HAUS8: variants seen among roughly 807,000 people sequenced by gnomAD.
HAUS8 encodes HAUS augmin-like complex subunit 8.
In HAUS8, 38 loss-of-function variants were observed where a neutral mutation model predicts 42.9. That is an observed-to-expected ratio of 0.89 (90% CI 0.68 to 1.16). HAUS8 has a LOEUF of 1.16. Ranked by LOEUF, HAUS8 falls within the 50% of genes most tolerant of loss-of-function variation. The pLI is 0.00. For missense variants in HAUS8, 494 were observed against 511.6 expected (o/e 0.97, Z 0.33); for synonymous variants, 199 against 205.8 (o/e 0.97, Z 0.28).
intron 2 of HAUS8, among the ~76,000 whole-genome samples, chr19:17,071,507 C>A (rs932375601): frequency 3.9e-5 from 6 of 152,184 alleles, no homozygotes; most frequent in African/African-American, 1.4e-4. Flanking sequence ...AAAGAGTCTA[C>A]CCTGGATGGT....
chr19:17,063,286 C>G (rs1392160036), intron 3 of HAUS8, among the ~76,000 whole-genome samples: 1 of 152,116 alleles, frequency 6.6e-6, no homozygotes, highest in Non-Finnish European at 1.5e-5. Context: ...CGCTCGGGTC[C>G]AGGGGTTTGA....
rs370632279 is a variant in HAUS8 at position 17,055,915 on chromosome 19, G to T, written c.733C>A (p.His245Asn). ...TFATALDTTRHELPVRSIHLE... is the reference protein window; with the variant it reads ...TFATALDTTRNELPVRSIHLE... The stretch of plus-strand genomic sequence containing the variant: ...TGGATGGACCTCACGGGCAGCTCGT[G>T]CCTGGTAGTGTCCAGGGCCGTGGCG... The change falls in exon 9 of 11, where the codon CAC (histidine) becomes AAC (asparagine). Residue 245 changes from histidine to asparagine, a missense_variant. By Grantham distance (68) the His-to-Asn change is moderately conservative (BLOSUM62 1). Transcript: ENST00000253669. 118 of 1,614,064 alleles carry T rather than the reference G, an allele frequency of 7.3e-5. No homozygotes were observed. The highest frequency in any genetic ancestry group is 9.7e-5 in the Non-Finnish European group (115 of 1,180,010).
At chr19:17,061,708 G>A (rs889446498) in intron 4 of HAUS8, among the ~76,000 whole-genome samples, 3 of 152,140 alleles carry the variant, frequency 2.0e-5, no homozygotes, top group South Asian at 2.1e-4. Context: ...CCCACCAGAC[G>A]CCAGTAGAAC....
intron 1 of HAUS8, 94 bp downstream of exon 1, chr19:17,075,300 C>G (rs1310444860): frequency 1.4e-6 from 2 of 1,413,058 alleles, no homozygotes; most frequent in Non-Finnish European, 2.0e-6. Context: ...CGAACCCGAA[C>G]TCACCCCGAG....
intron 4 of HAUS8, among the ~76,000 whole-genome samples, chr19:17,062,397 T>C (rs1362765497): frequency 6.6e-6 from 1 of 152,172 alleles, no homozygotes; most frequent in East Asian, 1.9e-4. Flanking sequence ...TCTAAGAGTC[T>C]TGCTCTCAGA....
chr19:17,051,660 A>AT (rs35343811), intron 10 of HAUS8: 40,579 of 113,634 alleles, frequency 0.36, 8,775 homozygotes, highest in South Asian at 0.51. Flanking sequence ...ACTTCCATAG[A>AT]TTTTTTTTTT....
At chr19:17,075,363 C>T (rs1470336368) in intron 1 of HAUS8, 31 bp downstream of exon 1, 1 of 1,613,366 alleles carries the variant, frequency 6.2e-7, no homozygotes, top group East Asian at 2.2e-5. Context: ...ATGGCGTCTA[C>T]AAATCCAGAC....
intron 2 of HAUS8, among the ~76,000 whole-genome samples, chr19:17,071,433 T>A (rs73518811): frequency 6.6e-6 from 1 of 152,220 alleles, no homozygotes; most frequent in Admixed American, 6.5e-5. Flanking sequence ...GCCACTCTCA[T>A]GGTGCAGGTC....
chr19:17,069,809 A>G (rs2057410466), intron 2 of HAUS8, among the ~76,000 whole-genome samples: 1 of 151,948 alleles, frequency 6.6e-6, no homozygotes, highest in East Asian at 1.9e-4. Flanking sequence ...TGGTCTCAGC[A>G]GGTGACCTGT....
chr19:17,065,053 C>T (rs78083808), intron 3 of HAUS8, among the ~76,000 whole-genome samples: 11,333 of 152,204 alleles, frequency 0.074, 522 homozygotes, highest in South Asian at 0.088. Context: ...CAGACACATC[C>T]GCAAAGATAC....
At chr19:17,062,378 C>T (rs1352488438) in intron 4 of HAUS8, among the ~76,000 whole-genome samples, 1 of 152,168 alleles carries the variant, frequency 6.6e-6, no homozygotes, top group Non-Finnish European at 1.5e-5. Context: ...GATGAGTCCT[C>T]ACAGCCTCTC....
intron 9 of HAUS8, among the ~76,000 whole-genome samples, chr19:17,053,987 G>C (rs942704556): frequency 6.6e-6 from 1 of 152,078 alleles, no homozygotes; most frequent in African/African-American, 2.4e-5. Context: ...TCAATAACGA[G>C]ACAGCCAGGG....
At chr19:17,050,696 G>A (rs1345634003) in intron 10 of HAUS8, among the ~76,000 whole-genome samples, 1 of 152,146 alleles carries the variant, frequency 6.6e-6, no homozygotes, top group Non-Finnish European at 1.5e-5. Flanking sequence ...AGGAGTTCAA[G>A]ACCAGCTTGG....
chr19:17,051,415 G>A (rs1599966209), intron 10 of HAUS8, among the ~76,000 whole-genome samples: 1 of 151,710 alleles, frequency 6.6e-6, no homozygotes. Flanking sequence ...GGGAGATCTT[G>A]ATGGGTTTTG....
chr19:17,074,809 T>G (rs1169637251), intron 1 of HAUS8: 1 of 152,420 alleles, frequency 6.6e-6, no homozygotes, highest in African/African-American at 2.4e-5. Flanking sequence ...TTAACAAAAC[T>G]AGACAAATAT....
intron 10 of HAUS8, among the ~76,000 whole-genome samples, chr19:17,050,955 G>C (rs968237264): frequency 2.0e-5 from 3 of 152,030 alleles, no homozygotes; most frequent in African/African-American, 7.3e-5. Flanking sequence ...AGCTACTTGG[G>C]AGACTGGGGT....
At chr19:17,057,124 C>A (rs1045494356) in intron 8 of HAUS8, among the ~76,000 whole-genome samples, 1 of 152,122 alleles carries the variant, frequency 6.6e-6, no homozygotes, top group South Asian at 2.1e-4. Flanking sequence ...CTAAGGAGGG[C>A]GGATCACTTG....
intron 4 of HAUS8, among the ~76,000 whole-genome samples, chr19:17,061,076 A>C (rs1486209666): frequency 6.6e-6 from 1 of 152,164 alleles, no homozygotes; most frequent in Non-Finnish European, 1.5e-5. Flanking sequence ...AAATCTATTG[A>C]GAGCACATGC....
chr19:17,069,835 G>A (rs1163667097), intron 2 of HAUS8, among the ~76,000 whole-genome samples: 1 of 151,906 alleles, frequency 6.6e-6, no homozygotes, highest in Non-Finnish European at 1.5e-5. Flanking sequence ...CCTTCACTGG[G>A]AAGACAGAAG....
Sources: gnomAD v4.1 joint callset for allele counts (sites outside exome capture counted in the v4.1 genomes callset) on GRCh38, gnomAD v4.1.1 for gene constraint, MANE v1.5 for transcripts, NCBI Gene and HGNC (gene_info 2026-07-23, HGNC 2026-07-21) for gene names.